METTL15: variants seen among roughly 807,000 people sequenced by gnomAD.
The protein encoded by METTL15 is methyltransferase 15, mitochondrial 12S rRNA N4-cytidine, also known as 12S rRNA N(4)-cytidine methyltransferase METTL15.
Under a neutral mutation model 38.3 loss-of-function variants are expected in METTL15, and 34 were observed. The ratio of observed to expected loss-of-function variants is 0.89; its 90% CI spans 0.68 to 1.18. The LOEUF (loss-of-function observed/expected upper bound fraction) is 1.18, where lower values mean the gene tolerates loss of function less well. METTL15 is among the 50% of genes most tolerant of loss of function. The pLI is 0.00. For missense variants in METTL15, 438 were observed against 498.4 expected (o/e 0.88, Z 1.15); for synonymous variants, 162 against 170.9 (o/e 0.95, Z 0.41).
At chr11:28,159,850 A>G (rs1219025657) in intron 3 of METTL15, among the ~76,000 whole-genome samples, 1 of 152,038 alleles carries the variant, frequency 6.6e-6, no homozygotes, top group Non-Finnish European at 1.5e-5. Flanking sequence ...TGATTTCAGG[A>G]GATGTGTATG....
intron 3 of METTL15, among the ~76,000 whole-genome samples, chr11:28,340,283 A>G (rs959486678): frequency 1.3e-5 from 2 of 152,114 alleles, no homozygotes; most frequent in Non-Finnish European, 2.9e-5. Context: ...TTAAATTCAA[A>G]TTAAATGATA....
intron 4 of METTL15, among the ~76,000 whole-genome samples, chr11:28,235,939 G>T (rs1853941539): frequency 1.3e-5 from 2 of 151,576 alleles, no homozygotes; most frequent in South Asian, 4.2e-4. Flanking sequence ...TATTGGCTGT[G>T]GGTTTGTCAT....
chr11:28,234,393 A>G (rs1215967228), intron 4 of METTL15, among the ~76,000 whole-genome samples: 1 of 151,528 alleles, frequency 6.6e-6, no homozygotes, highest in Non-Finnish European at 1.5e-5. Context: ...GACTTCCAAA[A>G]TGGTTGAACT....
intron 4 of METTL15, among the ~76,000 whole-genome samples, chr11:28,217,632 C>T (rs946132546): frequency 6.6e-5 from 10 of 152,084 alleles, no homozygotes; most frequent in Non-Finnish European, 1.3e-4. Flanking sequence ...AAATCCTTAC[C>T]CATGCCTATG....
At chr11:28,203,827 G>A (rs563124449) in intron 3 of METTL15, among the ~76,000 whole-genome samples, 2 of 152,134 alleles carry the variant, frequency 1.3e-5, no homozygotes, top group Admixed American at 1.3e-4. Context: ...AAAGGAGAGT[G>A]ATTAGCAAAT....
At chr11:28,466,589 A>G (rs1306556455) in intron 6 of METTL15, among the ~76,000 whole-genome samples, 1 of 152,164 alleles carries the variant, frequency 6.6e-6, no homozygotes, top group Non-Finnish European at 1.5e-5. Flanking sequence ...TGTAATCCAA[A>G]GCCAGTGTCA....
At chr11:28,527,519 A>G (rs1450888300), downstream of METTL15, among the ~76,000 whole-genome samples, 1 of 152,238 alleles carries the variant, frequency 6.6e-6, no homozygotes, top group East Asian at 1.9e-4. Flanking sequence ...CATCAAAACC[A>G]GTCACAGTCA....
chr11:28,387,747 G>C (rs11030317), intron 5 of METTL15, among the ~76,000 whole-genome samples: 1 of 152,062 alleles, frequency 6.6e-6, no homozygotes, highest in African/African-American at 2.4e-5. Flanking sequence ...TGTAAGAAAA[G>C]AAAACTACAT....
At chr11:28,242,850 C>G (rs1190574598) in intron 4 of METTL15, among the ~76,000 whole-genome samples, 2 of 152,072 alleles carry the variant, frequency 1.3e-5, no homozygotes, top group African/African-American at 4.8e-5. Context: ...CAGCCTTCTT[C>G]AAGAGTTGGT....
chr11:28,221,437 T>A (rs1410880935), intron 4 of METTL15, among the ~76,000 whole-genome samples: 1 of 152,202 alleles, frequency 6.6e-6, no homozygotes, highest in Non-Finnish European at 1.5e-5. Context: ...CTTGTCTGCA[T>A]TGGTTATTCT....
chr11:28,360,827 G>A (rs11030295), intron 4 of METTL15, among the ~76,000 whole-genome samples: 52,373 of 113,420 alleles, frequency 0.46, 12,061 homozygotes, highest in Admixed American at 0.59. Flanking sequence ...CCCCACAACA[G>A]TCCCCAGAGT....
At chr11:28,531,007 T>C (rs527267495), downstream of METTL15, among the ~76,000 whole-genome samples, 2 of 152,064 alleles carry the variant, frequency 1.3e-5, no homozygotes, top group South Asian at 4.1e-4. Context: ...TTTTAGCTGT[T>C]TATTTATTTC....
intron 3 of METTL15, among the ~76,000 whole-genome samples, chr11:28,347,163 ATTAC>A (rs1180222557): frequency 1.4e-4 from 22 of 152,134 alleles, no homozygotes; most frequent in Admixed American, 1.3e-3. Context: ...TTTCCCTTCT[ATTAC>A]AGGGAGCATA....
intron 6 of METTL15, among the ~76,000 whole-genome samples, chr11:28,487,076 C>G (rs1417940081): frequency 2.0e-5 from 3 of 151,996 alleles, no homozygotes; most frequent in Admixed American, 1.3e-4. Context: ...AAATATTCAG[C>G]TTTGGTGAGA....
intron 6 of METTL15, among the ~76,000 whole-genome samples, chr11:28,302,874 TATTA>T (rs1300761627): frequency 3.9e-5 from 6 of 152,166 alleles, no homozygotes; most frequent in Non-Finnish European, 7.3e-5. Flanking sequence ...AGAATATTTT[TATTA>T]ATTAAAAATC....
chr11:28,196,959 GA>G (rs1409664881), intron 3 of METTL15, among the ~76,000 whole-genome samples: 1 of 151,788 alleles, frequency 6.6e-6, no homozygotes, highest in Non-Finnish European at 1.5e-5. Flanking sequence ...AAATTTTAAA[GA>G]GCAATACCAA....
chr11:28,226,135 C>T (rs377758511), intron 4 of METTL15, among the ~76,000 whole-genome samples: 61 of 151,894 alleles, frequency 4.0e-4, no homozygotes, highest in African/African-American at 1.4e-3. Flanking sequence ...TATTTGTGAA[C>T]AGAGTATATA....
chr11:28,496,524 G>C (rs1433625774), intron 6 of METTL15, among the ~76,000 whole-genome samples: 1 of 152,238 alleles, frequency 6.6e-6, no homozygotes, highest in African/African-American at 2.4e-5. Flanking sequence ...TACAGGTTTT[G>C]CAAGGACAGA....
intron 6 of METTL15, among the ~76,000 whole-genome samples, chr11:28,484,584 G>T (rs1851422605): frequency 6.6e-6 from 1 of 151,962 alleles, no homozygotes; most frequent in African/African-American, 2.4e-5. Flanking sequence ...TCCTCTGGGG[G>T]ATCTGCTTTT....
Sources: allele counts gnomAD v4.1 joint callset (sites outside exome capture counted in the v4.1 genomes callset), GRCh38; gene constraint gnomAD v4.1.1; transcripts MANE v1.5; gene names NCBI Gene and HGNC (gene_info 2026-07-23, HGNC 2026-07-21).